SLC22A9: variants seen among roughly 807,000 people sequenced by gnomAD.
SLC22A9 encodes organic anion transporter 7.
SLC22A9 carries 64 observed loss-of-function variants against 50.1 expected under a neutral mutation model. The observed-to-expected ratio is 1.28, with a 90% CI of 1.04 to 1.57. The LOEUF (loss-of-function observed/expected upper bound fraction) is 1.57, where lower values mean the gene tolerates loss of function less well. Ranked by LOEUF, SLC22A9 falls within the 40% of genes most tolerant of loss-of-function variation. The probability of loss-of-function intolerance (pLI) is 0.00; values close to 1 mark genes in which losing one functional copy is unlikely to be tolerated. For synonymous variants in SLC22A9, 261 were observed against 242.5 expected (o/e 1.08, Z -0.71); for missense variants, 757 against 676.1 (o/e 1.12, Z -1.33).
chr11:63,394,696 T>C (rs2014821127), intron 6 of SLC22A9, among the ~76,000 whole-genome samples: 1 of 152,188 alleles, frequency 6.6e-6, no homozygotes, highest in Non-Finnish European at 1.5e-5. Flanking sequence ...CTGACGACAA[T>C]GTGCCTAGGC....
At chr11:63,391,948 TCTC>T (rs1405522036) in intron 6 of SLC22A9, among the ~76,000 whole-genome samples, 3 of 152,066 alleles carry the variant, frequency 2.0e-5, no homozygotes, top group African/African-American at 7.2e-5. Flanking sequence ...TATGTTTTAA[TCTC>T]CTACTTTTCA....
intron 6 of SLC22A9, among the ~76,000 whole-genome samples, chr11:63,401,573 A>G (rs145025990): frequency 7.0e-4 from 106 of 152,282 alleles, no homozygotes; most frequent in African/African-American, 2.5e-3. Flanking sequence ...TACAGATTCA[A>G]TGCAATCTCT....
rs188848827 is a variant in SLC22A9 at position 63,373,084 on chromosome 11, A to G, written c.507-560A>G. On this transcript the variant is annotated intron_variant, in intron 2 of 9. Transcript: ENST00000279178. ...TCTACAGAGAGGACTCCTTTCCCAG[A>G]AAACAGTAAAACACTAAATTCCCTT... is the stretch of plus-strand genomic sequence containing the variant. Among the ~76,000 whole-genome samples the G allele has an allele frequency of 4.8e-3, 731 of 152,102 alleles. 10 individuals carry two copies. Among genetic ancestry groups the G allele is most frequent in the African/African-American group, 0.017 (695 of 41,506 alleles).
At chr11:63,408,013 T>C in intron 7 of SLC22A9, 99 bp from the exon 8 acceptor site, 1 of 912,190 alleles carries the variant, frequency 1.1e-6, no homozygotes, top group Admixed American at 2.3e-5. Flanking sequence ...CATTTAACCC[T>C]TGCAAACACC....
chr11:63,382,026 T>G (rs571120148), intron 5 of SLC22A9, 133 bp from the exon 6 acceptor site: 11 of 649,138 alleles, frequency 1.7e-5, no homozygotes, highest in Non-Finnish European at 2.7e-5. Flanking sequence ...TATCATTGCA[T>G]TTTAAGGCTT....
intron 6 of SLC22A9, among the ~76,000 whole-genome samples, chr11:63,382,965 C>A (rs570850960): frequency 6.6e-6 from 1 of 152,166 alleles, no homozygotes; most frequent in Non-Finnish European, 1.5e-5. Flanking sequence ...GGCCTATGAC[C>A]GCTCCCTCAT....
intron 6 of SLC22A9, among the ~76,000 whole-genome samples, chr11:63,390,630 T>G (rs967632387): frequency 6.6e-6 from 1 of 152,096 alleles, no homozygotes; most frequent in Non-Finnish European, 1.5e-5. Flanking sequence ...TAGCATGATG[T>G]CTCCAGCTTT....
Position 63,410,116 on chromosome 11 carries a change from C to A in SLC22A9, c.*254C>A, listed in dbSNP as rs901983571. On this transcript the variant is annotated 3_prime_UTR_variant, in exon 10 of 10. Coordinates refer to ENST00000279178, the MANE Select transcript of SLC22A9 (RefSeq NM_080866.3). ...ACTTCGCTGGGCACAGTGGCACAGG[C>A]CTTTAATTCCAGCTACTTGGGAGGC... 14 of 274,280 alleles carry A rather than the reference C, an allele frequency of 5.1e-5. No individual in the cohort carries two copies. The highest frequency in any genetic ancestry group is 1.2e-3 in the Middle Eastern group (1 of 852). 17.0% of individuals were successfully genotyped at this position (274,280 alleles called of 1,614,324 possible).
chr11:63,407,191 A>G (rs1292635136), intron 7 of SLC22A9, among the ~76,000 whole-genome samples: 2 of 152,122 alleles, frequency 1.3e-5, no homozygotes, highest in Non-Finnish European at 2.9e-5. Flanking sequence ...CATAACTGCA[A>G]TCTGGTTTAG....
rs376321323 is a variant in SLC22A9 at position 63,406,683 on chromosome 11, C to T, written c.1260C>T (p.Cys420=). The stretch of plus-strand genomic sequence containing the variant: ...TTCTCATGTTCCTACTGGCAATCTG[C>T]CTTCTGGCCATCATATTTGTGCCAC... The part of the protein sequence containing the change: ...QMLLMFLLAI[C]LLAIIFVPQE... Residue 420 remains cysteine, a synonymous_variant, in exon 7 of 10, where the codon TGC becomes TGT. Coordinates refer to ENST00000279178, the MANE Select transcript of SLC22A9 (RefSeq NM_080866.3). 3 of 1,613,500 alleles carry T rather than the reference C, an allele frequency of 1.9e-6. No individual in the cohort carries two copies. Among genetic ancestry groups the T allele is most frequent in the African/African-American group, 2.7e-5 (2 of 74,886 alleles).
rs201580531 is a variant in SLC22A9, at chr11:63,370,332, T to C, written c.276T>C (p.Val92=). 689 of 1,614,012 alleles carry C rather than the reference T, an allele frequency of 4.3e-4. 7 individuals carry two copies. The South Asian group carries it at 7.1e-3, about 17-fold the overall frequency. Residue 92 remains valine, a synonymous_variant, in exon 1 of 10, where the codon GTT becomes GTC. Transcript: ENST00000279178. ...NMRPEKCRRF[V]HPQWQLLHLN... is the part of the protein sequence containing the mutation. ...GGCCAGAGAAGTGTCGTCGCTTTGT[T>C]CATCCTCAGTGGCAGCTCCTTCACC...
chr11:63,383,599 C>T lies in SLC22A9; in HGVS notation c.1073+1322C>T, dbSNP rs78363293. Among the ~76,000 whole-genome samples, 933 of 152,070 alleles carry T rather than the reference C, an allele frequency of 6.1e-3. 10 individuals are homozygous for T. The highest frequency in any genetic ancestry group is 0.021 in the African/African-American group (855 of 41,460). The stretch of plus-strand genomic sequence containing the variant: ...AGCTGTTTCTTCAAATGTGCATACA[C>T]CAATGCAAAGCTTCAAAGAACATGA... On this transcript the variant is annotated intron_variant, in intron 6 of 9. Transcript: ENST00000279178.
chr11:63,377,881 C>A (rs1313587220), intron 5 of SLC22A9, among the ~76,000 whole-genome samples: 1 of 151,850 alleles, frequency 6.6e-6, no homozygotes, highest in East Asian at 1.9e-4. Context: ...CCACCAACAA[C>A]ACAGAAATAC....
intron 6 of SLC22A9, among the ~76,000 whole-genome samples, chr11:63,395,189 G>A (rs561136536): frequency 1.7e-4 from 26 of 151,802 alleles, no homozygotes; most frequent in African/African-American, 5.6e-4. Context: ...GCCTTTCTCT[G>A]GTGCCTCCCT....
At chr11:63,393,770 G>T (rs1473698451) in intron 6 of SLC22A9, among the ~76,000 whole-genome samples, 1 of 152,030 alleles carries the variant, frequency 6.6e-6, no homozygotes, top group Non-Finnish European at 1.5e-5. Flanking sequence ...TGATGATTAT[G>T]TGTCTTGGGG....
intron 6 of SLC22A9, among the ~76,000 whole-genome samples, chr11:63,388,555 T>G (rs546549987): frequency 6.6e-6 from 1 of 152,060 alleles, no homozygotes; most frequent in African/African-American, 2.4e-5. Flanking sequence ...TGTTTTAATG[T>G]GTTGTTGAAT....
At chr11:63,386,426 G>A (rs1202924304) in intron 6 of SLC22A9, among the ~76,000 whole-genome samples, 1 of 125,772 alleles carries the variant, frequency 8.0e-6, no homozygotes, top group Non-Finnish European at 1.6e-5. Flanking sequence ...AATCCACGTG[G>A]ACCTGGACTT....
In SLC22A9 at chr11:63,394,776, G is replaced by A. The variant is rs141468049; in HGVS notation, c.1074-11721G>A. Reference sequence around the variant, plus strand: ...TTATATTCGCGTGTCTAGTTCTCTAGCAAGGCTGGGGAAGTTTTCCTCAAT... The same window carrying A: ...TTATATTCGCGTGTCTAGTTCTCTAACAAGGCTGGGGAAGTTTTCCTCAAT... On this transcript the variant is annotated intron_variant, in intron 6 of 9. Transcript: ENST00000279178. Among the ~76,000 whole-genome samples, 933 of 152,196 alleles carry A rather than the reference G, an allele frequency of 6.1e-3. 10 individuals carry two copies. The highest frequency in any genetic ancestry group is 0.021 in the African/African-American group (854 of 41,520).
chr11:63,388,720 A>ATTTT (rs35546649), intron 6 of SLC22A9, among the ~76,000 whole-genome samples: 1 of 149,640 alleles, frequency 6.7e-6, no homozygotes, highest in African/African-American at 2.5e-5. Context: ...CTCCACCTGT[A>ATTTT]TTTTTTTTTT....
Sources: gnomAD v4.1 joint callset for allele counts (sites outside exome capture counted in the v4.1 genomes callset) on GRCh38, gnomAD v4.1.1 for gene constraint, MANE v1.5 for transcripts, NCBI Gene and HGNC (gene_info 2026-07-23, HGNC 2026-07-21) for gene names.